Variants in MAGI2 observed in about 807,000 individuals in gnomAD.
The protein encoded by MAGI2 is membrane associated guanylate kinase, WW and PDZ domain containing 2, also known as membrane-associated guanylate kinase, WW and PDZ domain-containing protein 2.
A neutral mutation model predicts 133.3 loss-of-function variants in MAGI2; 35 were observed. That is an observed-to-expected ratio of 0.26 (90% CI 0.20 to 0.35). The LOEUF (loss-of-function observed/expected upper bound fraction) is 0.35, where lower values mean the gene tolerates loss of function less well. Among genes scored for constraint, MAGI2 ranks in the 10% least tolerant of loss-of-function variants. The pLI, the probability that MAGI2 is intolerant of heterozygous loss-of-function variation, is 1.00. For synonymous variants in MAGI2, 729 were observed against 710.6 expected (o/e 1.03, Z -0.41); for missense variants, 1,636 against 1,863.4 (o/e 0.88, Z 2.25).
intron 2 of MAGI2, among the ~76,000 whole-genome samples, chr7:78,898,442 C>A (rs1642908): frequency 2.2e-4 from 33 of 152,076 alleles, no homozygotes; most frequent in Middle Eastern, 3.4e-3. Context: ...AGAAAATGTC[C>A]TACATATACA....
At chr7:78,335,683 A>G (rs1789687435) in intron 9 of MAGI2, among the ~76,000 whole-genome samples, 2 of 152,322 alleles carry the variant, frequency 1.3e-5, no homozygotes, top group Admixed American at 1.3e-4. Flanking sequence ...AGACAAAAAA[A>G]TGACCAGAAA....
At chr7:79,391,540 C>CATATATATATAT (rs1198335417) in intron 1 of MAGI2, among the ~76,000 whole-genome samples, 5 of 46,692 alleles carry the variant, frequency 1.1e-4, no homozygotes, top group African/African-American at 3.5e-4. Flanking sequence ...TATATATAGA[C>CATATATATATAT]ATATATATAT....
At chr7:78,860,485 T>C (rs926006177) in intron 2 of MAGI2, among the ~76,000 whole-genome samples, 1 of 152,288 alleles carries the variant, frequency 6.6e-6, no homozygotes, top group African/African-American at 2.4e-5. Context: ...CAGCTGCAGG[T>C]CTGTGGGAGT....
At chr7:79,029,777 T>C (rs890685290) in intron 1 of MAGI2, among the ~76,000 whole-genome samples, 1 of 152,104 alleles carries the variant, frequency 6.6e-6, no homozygotes, top group Non-Finnish European at 1.5e-5. Context: ...AAAGGGTAAA[T>C]AGGGTGGTGT....
Position 78,194,991 on chromosome 7 carries a change from G to A in MAGI2, c.2152C>T (p.Pro718Ser). The A allele has an allele frequency of 6.2e-7, 1 of 1,614,126 alleles. No individual in the cohort carries two copies. The change falls in exon 12 of 22, where the codon CCC becomes TCC. Residue 718 changes from proline to serine, a missense_variant. Coordinates refer to ENST00000354212, the MANE Select transcript of MAGI2 (RefSeq NM_012301.4). ...LSAPAIPQNLPFPPALHRSSF... is the reference protein window; with the variant it reads ...LSAPAIPQNLSFPPALHRSSF... ...CTCCTGTGAAGGGCAGGTGGGAAGGGCAGGTTCTGCGGTATGGCCGGAGCA... is the reference window on the plus strand; with the variant it reads ...CTCCTGTGAAGGGCAGGTGGGAAGGACAGGTTCTGCGGTATGGCCGGAGCA...
chr7:79,395,067 A>G (rs1334634414), intron 1 of MAGI2, among the ~76,000 whole-genome samples: 1 of 152,230 alleles, frequency 6.6e-6, no homozygotes, highest in African/African-American at 2.4e-5. Flanking sequence ...GTGTGAAAAT[A>G]TGTCATTGAA....
At chr7:78,371,352 G>A (rs1207334731) in intron 6 of MAGI2, among the ~76,000 whole-genome samples, 3 of 151,754 alleles carry the variant, frequency 2.0e-5, no homozygotes, top group Non-Finnish European at 2.9e-5. Flanking sequence ...TTATTAATAT[G>A]GTTCGATACA....
At chr7:79,423,162 G>A (rs114668838) in intron 1 of MAGI2, among the ~76,000 whole-genome samples, 2,640 of 151,948 alleles carry the variant, frequency 0.017, 81 homozygotes, top group African/African-American at 0.059. Flanking sequence ...ATAAATATAC[G>A]TATTGGTACT....
intron 2 of MAGI2, among the ~76,000 whole-genome samples, chr7:78,884,959 C>T (rs1796150955): frequency 2.0e-5 from 3 of 152,082 alleles, no homozygotes; most frequent in African/African-American, 7.2e-5. Flanking sequence ...GAAAATGTGG[C>T]AACAATATGC....
intron 4 of MAGI2, among the ~76,000 whole-genome samples, chr7:78,507,301 G>C (rs1191340019): frequency 6.6e-6 from 1 of 152,198 alleles, no homozygotes. Flanking sequence ...TGAGAATCAA[G>C]GGCTTCTGGC....
In MAGI2 at chr7:79,172,954, T is replaced by C. The variant is rs544260050; in HGVS notation, c.302-165748A>G. 7.2e-5 allele frequency: 11 copies of C among 152,210 alleles called. No homozygotes were observed. The South Asian group carries it at 1.7e-3, about 23-fold the overall frequency. 9.4% of individuals were successfully genotyped at this position (152,210 alleles called of 1,614,324 possible). A position where few individuals can be genotyped will look rare whatever the true frequency, so the allele number is the denominator to read the frequency against. On this transcript the variant is annotated intron_variant, in intron 1 of 21. Coordinates refer to ENST00000354212, the MANE Select transcript of MAGI2 (RefSeq NM_012301.4). ...AGGGTTATTTCAAAGAAGATAATAC[T>C]GCAAAGCGCTTGGAATATGCATATG...
intron 18 of MAGI2, among the ~76,000 whole-genome samples, chr7:78,132,325 G>A (rs1821645187): frequency 6.6e-6 from 1 of 152,224 alleles, no homozygotes; most frequent in African/African-American, 2.4e-5. Context: ...CCTCCTGTCT[G>A]CGCTCTGCAG....
chr7:78,158,321 C>G (rs1824598738), intron 16 of MAGI2: 1 of 152,090 alleles, frequency 6.6e-6, no homozygotes, highest in Admixed American at 6.5e-5. Context: ...TGTTCTACTG[C>G]TTGCAGGCTG....
At chr7:78,171,459 T>C (rs1826101513) in intron 14 of MAGI2, among the ~76,000 whole-genome samples, 1 of 152,140 alleles carries the variant, frequency 6.6e-6, no homozygotes, top group African/African-American at 2.4e-5. Flanking sequence ...GGGCCTGAGA[T>C]TCTGCAGGTT....
chr7:78,487,848 G>A (rs1385898908), intron 6 of MAGI2, among the ~76,000 whole-genome samples: 1 of 152,080 alleles, frequency 6.6e-6, no homozygotes, highest in Non-Finnish European at 1.5e-5. Context: ...CTGAGCCGAA[G>A]TGTGGCACAT....
At chr7:78,340,820 G>A (rs2151178171) in intron 9 of MAGI2, among the ~76,000 whole-genome samples, 1 of 152,110 alleles carries the variant, frequency 6.6e-6, no homozygotes, top group East Asian at 1.9e-4. Context: ...AATAATAAGA[G>A]CTATTTATGA....
intron 13 of MAGI2, among the ~76,000 whole-genome samples, chr7:78,180,553 C>T (rs747412905): frequency 2.0e-5 from 3 of 152,156 alleles, no homozygotes; most frequent in Non-Finnish European, 4.4e-5. Context: ...TTTTATTGAA[C>T]TCTGAAGAAC....
intron 5 of MAGI2, 75 bp downstream of exon 5, chr7:78,501,499 TCCA>T: frequency 8.3e-7 from 1 of 1,208,544 alleles, no homozygotes; most frequent in Admixed American, 2.4e-5. Flanking sequence ...TTTTTTTTTT[TCCA>T]CGTCTAACTT....
chr7:79,386,952 C>T (rs1171993121), intron 1 of MAGI2, among the ~76,000 whole-genome samples: 4 of 151,678 alleles, frequency 2.6e-5, no homozygotes, highest in Non-Finnish European at 5.9e-5. Context: ...GTGGGCCCCT[C>T]GATCTTTGGC....
Sources: allele counts gnomAD v4.1 joint callset (sites outside exome capture counted in the v4.1 genomes callset), GRCh38; gene constraint gnomAD v4.1.1; transcripts MANE v1.5; gene names NCBI Gene and HGNC (gene_info 2026-07-23, HGNC 2026-07-21).